The following PPP2R3B variants were observed in gnomAD, a reference collection of about 807,000 sequenced individuals.
The protein encoded by PPP2R3B is protein phosphatase 2 regulatory subunit B''beta, also known as serine/threonine-protein phosphatase 2A regulatory subunit B'' subunit beta.
A neutral mutation model predicts 72.9 loss-of-function variants in PPP2R3B; 68 were observed. The ratio of observed to expected loss-of-function variants is 0.93; its 90% CI spans 0.77 to 1.14. PPP2R3B has a LOEUF of 1.14. Among genes scored for constraint, PPP2R3B ranks in the 50% most tolerant of loss-of-function variants. The probability of loss-of-function intolerance (pLI) is 0.00; values close to 1 mark genes in which losing one functional copy is unlikely to be tolerated. For synonymous variants in PPP2R3B, 466 were observed against 375.8 expected (o/e 1.24, Z -2.78); for missense variants, 1,018 against 842.0 (o/e 1.21, Z -2.59).
chrX:386,318 T>C (rs200926296), intron 1 of PPP2R3B, 50 bp downstream of exon 1: 4 of 1,282,922 alleles, frequency 3.1e-6, no homozygotes, highest in Non-Finnish European at 4.0e-6. Context: ...ACGCCCACTA[T>C]GCGACCAGAG....
intron 2 of PPP2R3B, among the ~76,000 whole-genome samples, chrX:356,836 TAACCACGCCTTGGCCAGCCACACAGC>T (rs2071444813): frequency 2.3e-3 from 278 of 121,190 alleles, no homozygotes; most frequent in East Asian, 4.5e-3. Flanking sequence ...AGCCCCACGG[TAACCACGCCTTGGCCAGCCACACAGC>T]GAGCCCCACA....
chrX:386,602 C>T lies in PPP2R3B; in HGVS notation c.90G>A (p.Arg30=). 10 of 1,448,874 alleles carry T rather than the reference C, an allele frequency of 6.9e-6. No individual in the cohort carries two copies. The highest frequency in any genetic ancestry group is 9.1e-6 in the Non-Finnish European group (10 of 1,101,646). The allele number at this position is 1,448,874 out of a possible 1,614,324, so 89.8% of individuals were successfully genotyped here. A position where few individuals can be genotyped will look rare whatever the true frequency, so the allele number is the denominator to read the frequency against. ...TCCGGCGCAGGCAGTCCTGCAGCAT[C>T]CGCTGCGTGCTGGCCTCGCTGAGCC... ...LYWLSEASTQ[R]MLQDCLRRIK... is the part of the protein sequence containing the mutation. The change falls in exon 1 of 13, where the codon CGG becomes CGA. Residue 30 remains arginine, a synonymous_variant. Transcript: ENST00000390665.
In PPP2R3B at chrX:334,210, G is replaced by A. The variant is rs976505788; in HGVS notation, c.*157C>T. The A allele has an allele frequency of 6.2e-5, 58 of 929,564 alleles. No individual in the cohort carries two copies. Among genetic ancestry groups the A allele is most frequent in the African/African-American group, 5.9e-4 (33 of 55,822 alleles). 57.6% of individuals were successfully genotyped at this position (929,564 alleles called of 1,614,324 possible). ...CAGAGCTCTGGGCAGGTCCAGCCAC[G>A]AACCCACAGCGGCAATCAACACGCT... On this transcript the variant is annotated 3_prime_UTR_variant, in exon 13 of 13. Transcript: ENST00000390665.
At position 334,163 on chromosome X, in the gene PPP2R3B, G is replaced by A. The variant is rs772694379; in HGVS notation, c.*204C>T. 1.4e-4 allele frequency: 68 copies of A among 498,414 alleles called. No individual in the cohort carries two copies. The highest frequency in any genetic ancestry group is 3.1e-4 in the Admixed American group (7 of 22,392). The allele number at this position is 498,414 out of a possible 1,614,324, so 30.9% of individuals were successfully genotyped here. A position where few individuals can be genotyped will look rare whatever the true frequency, so the allele number is the denominator to read the frequency against. ...GTGGGAACCCGTCCCATTCACGCGCGGCCCTACGTGTCCCCCTGGCACAGA... is the reference window on the plus strand; with the variant it reads ...GTGGGAACCCGTCCCATTCACGCGCAGCCCTACGTGTCCCCCTGGCACAGA... On this transcript the variant is annotated 3_prime_UTR_variant, in exon 13 of 13. Transcript: ENST00000390665.
In PPP2R3B at chrX:362,797, C is replaced by T. The variant is rs5987290; in HGVS notation, c.325-1207G>A. ...AGAAAACAGCCCGCCCTGCTACTCC[C>T]ACAGGACCCTCACCCCAGGTCACAA... is the stretch of plus-strand genomic sequence containing the variant. On this transcript the variant is annotated intron_variant, in intron 1 of 12. Transcript: ENST00000390665. Among the ~76,000 whole-genome samples the T allele has an allele frequency of 6.1e-3, 936 of 152,198 alleles. 11 individuals carry two copies. Among genetic ancestry groups the T allele is most frequent in the African/African-American group, 0.02 (844 of 41,516 alleles).
intron 9 of PPP2R3B, 80 bp from the exon 10 acceptor site, chrX:341,020 C>CCCT: frequency 1.3e-6 from 2 of 1,532,864 alleles, no homozygotes; most frequent in Non-Finnish European, 8.8e-7. Context: ...CAGCCCCCAC[C>CCCT]GGGGGTGCAC....
At chrX:374,865 G>C (rs1158335126) in intron 1 of PPP2R3B, among the ~76,000 whole-genome samples, 1 of 152,156 alleles carries the variant, frequency 6.6e-6, no homozygotes, top group Middle Eastern at 3.2e-3. Context: ...TCACGCAGAG[G>C]AGTTTCCCTG....
Position 347,100 on chromosome X carries a change from T to C in PPP2R3B, c.717+134A>G, listed in dbSNP as rs772634843. The stretch of plus-strand genomic sequence containing the variant: ...TAGACGCGGGCCCTCCCATGAGGTG[T>C]GCGGTGTAGACGCGGACCCTCCCGT... On this transcript the variant is annotated intron_variant, in intron 4 of 12. Transcript: ENST00000390665. The C allele has an allele frequency of 9.1e-5, 99 of 1,088,940 alleles. No individual in the cohort carries two copies. The African/African-American group carries it at 1.3e-3, about 15-fold the overall frequency. The allele number at this position is 1,088,940 out of a possible 1,614,324, so 67.5% of individuals were successfully genotyped here. A position where few individuals can be genotyped will look rare whatever the true frequency, so the allele number is the denominator to read the frequency against.
At chrX:365,574 G>GTC (rs1181767237) in intron 1 of PPP2R3B, among the ~76,000 whole-genome samples, 2 of 5,152 alleles carry the variant, frequency 3.9e-4, no homozygotes, top group Non-Finnish European at 6.9e-4. Context: ...CAGGTGTGGT[G>GTC]GCGCATGCCT....
intron 2 of PPP2R3B, among the ~76,000 whole-genome samples, chrX:355,375 C>T (rs1249416883): frequency 1.3e-5 from 2 of 152,188 alleles, no homozygotes; most frequent in Non-Finnish European, 2.9e-5. Flanking sequence ...AGCTGGACCG[C>T]GTTCATGAGA....
At chrX:346,073 G>A (rs2071201544) in intron 6 of PPP2R3B, 101 bp downstream of exon 6, 1 of 559,698 alleles carries the variant, frequency 1.8e-6, no homozygotes, top group East Asian at 3.4e-5. Flanking sequence ...GGGAGAGGGG[G>A]TGGGAGGGGA....
chrX:385,320 C>CTTTTTTTTTTTTTTTT (rs1178231888), intron 1 of PPP2R3B, among the ~76,000 whole-genome samples: 3 of 75,658 alleles, frequency 4.0e-5, no homozygotes, highest in African/African-American at 5.1e-5. Context: ...TTTTAGTTTT[C>CTTTTTTTTTTTTTTTT]TTTTTTTTTT....
chrX:383,236 C>A (rs2072163588), intron 1 of PPP2R3B, among the ~76,000 whole-genome samples: 1 of 152,146 alleles, frequency 6.6e-6, no homozygotes, highest in African/African-American at 2.4e-5. Context: ...AAGGAGCTCA[C>A]CTCAGATTGC....
At chrX:349,361 G>A (rs1468543073) in intron 2 of PPP2R3B, among the ~76,000 whole-genome samples, 1 of 151,952 alleles carries the variant, frequency 6.6e-6, no homozygotes, top group Non-Finnish European at 1.5e-5. Flanking sequence ...CAAGCTGCCC[G>A]GGCTATGGTG....
At chrX:382,370 G>A (rs906285056) in intron 1 of PPP2R3B, among the ~76,000 whole-genome samples, 3 of 151,774 alleles carry the variant, frequency 2.0e-5, no homozygotes, top group Admixed American at 2.0e-4. Flanking sequence ...GCTAATTTTT[G>A]TATTTTTAGT....
chrX:360,473 G>C (rs1008018178), intron 2 of PPP2R3B, among the ~76,000 whole-genome samples: 3 of 152,210 alleles, frequency 2.0e-5, no homozygotes, highest in African/African-American at 7.2e-5. Context: ...GGTGGAGGTT[G>C]CAGTGAGCCG....
At chrX:379,135 ATG>A (rs954079740) in intron 1 of PPP2R3B, among the ~76,000 whole-genome samples, 14 of 140,454 alleles carry the variant, frequency 1.0e-4, no homozygotes, top group East Asian at 8.9e-4. Flanking sequence ...GTATGCACCT[ATG>A]TGTGTGTATG....
At chrX:348,396 T>C (rs1054543109) in intron 2 of PPP2R3B, among the ~76,000 whole-genome samples, 1 of 151,936 alleles carries the variant, frequency 6.6e-6, no homozygotes, top group Non-Finnish European at 1.5e-5. Flanking sequence ...GCCAACATGG[T>C]GAAACCTCGT....
Position 340,901 on chromosome X carries a change from G to A in PPP2R3B, c.1215C>T (p.Asp405=), listed in dbSNP as rs770674659. 3.2e-5 allele frequency: 51 copies of A among 1,611,774 alleles called. 1 individual carries two copies. In the Admixed American group the frequency reaches 3.5e-4, roughly 11 times the overall value. ...YWFRCMDLDG[D]GALSMFELEY... ...CGAGCTCGAACATGGACAGGGCGCCGTCCCCGTCCAGGTCCATGCAGCGGA... is the reference window on the plus strand; with the variant it reads ...CGAGCTCGAACATGGACAGGGCGCCATCCCCGTCCAGGTCCATGCAGCGGA... Residue 405 remains aspartate (D), a synonymous_variant, in exon 10 of 13, where the codon GAC becomes GAT. Coordinates refer to ENST00000390665, the MANE Select transcript of PPP2R3B (RefSeq NM_013239.5).
Sources: allele counts gnomAD v4.1 joint callset (sites outside exome capture counted in the v4.1 genomes callset), GRCh38; gene constraint gnomAD v4.1.1; transcripts MANE v1.5; gene names NCBI Gene and HGNC (gene_info 2026-07-23, HGNC 2026-07-21).